The following INPP4A variants were observed in gnomAD, a reference collection of about 807,000 sequenced individuals.
INPP4A encodes inositol polyphosphate-4-phosphatase type I A.
Under a neutral mutation model 119.8 loss-of-function variants are expected in INPP4A, and 33 were observed. The observed-to-expected ratio is 0.28, with a 90% CI of 0.21 to 0.37. The LOEUF (loss-of-function observed/expected upper bound fraction) is 0.37. INPP4A is among the 10% of genes least tolerant of loss of function. The pLI, the probability that INPP4A is intolerant of heterozygous loss-of-function variation, is 1.00. For missense variants in INPP4A, 956 were observed against 1,289.9 expected, an observed-to-expected ratio of 0.74 and a Z score of 3.97; for synonymous variants, 496 against 500.7, an observed-to-expected ratio of 0.99 and a Z score of 0.12.
At chr2:98,555,830 C>T in intron 16 of INPP4A, 22 bp downstream of exon 16, 1 of 1,535,676 alleles carries the variant, frequency 6.5e-7, no homozygotes, top group Non-Finnish European at 8.8e-7. Flanking sequence ...TCCATGCTTC[C>T]CATATGCTGC....
At position 98,588,360 on chromosome 2, in the gene INPP4A, C is replaced by T. The variant is rs73962410; in HGVS notation, c.*752C>T. 1,425 of 199,418 alleles carry T rather than the reference C, an allele frequency of 7.1e-3. 13 individuals are homozygous for T. The highest frequency in any genetic ancestry group is 0.027 in the African/African-American group (1,181 of 43,610). 12.4% of individuals were successfully genotyped at this position (199,418 alleles called of 1,614,324 possible). On this transcript the variant is annotated 3_prime_UTR_variant, in exon 25 of 25. Transcript: ENST00000409851. The stretch of plus-strand genomic sequence containing the variant: ...GTCTCCTGTTCTCTGAAGCTCCCTG[C>T]CGAGGCTCCCTCACGCCCAGAGGAC...
Position 98,592,713 on chromosome 2 carries a change from G to C in INPP4A, c.*5105G>C, listed in dbSNP as rs1700456587. ...GATGGAAACTTGTGTTTAGCAGGCT[G>C]TCTGCTCCCAATAGTGGCCCTGGCT... On this transcript the variant is annotated 3_prime_UTR_variant, in exon 25 of 25. Transcript: ENST00000409851. 1 of 152,358 alleles carries C rather than the reference G, an allele frequency of 6.6e-6. No homozygotes were observed. Among genetic ancestry groups the C allele is most frequent in the Non-Finnish European group, 1.5e-5 (1 of 68,132 alleles). 9.4% of individuals were successfully genotyped at this position (152,358 alleles called of 1,614,324 possible). A position where few individuals can be genotyped will look rare whatever the true frequency, so the allele number is the denominator to read the frequency against.
intron 17 of INPP4A, among the ~76,000 whole-genome samples, chr2:98,562,231 A>G (rs1038064580): frequency 1.8e-4 from 28 of 152,252 alleles, no homozygotes; most frequent in African/African-American, 6.5e-4. Flanking sequence ...GCGTGCCTGC[A>G]TGTACAATTA....
intron 7 of INPP4A, among the ~76,000 whole-genome samples, chr2:98,537,221 G>A (rs899934872): frequency 3.3e-5 from 5 of 152,234 alleles, no homozygotes; most frequent in African/African-American, 1.2e-4. Flanking sequence ...GATTAAGTGA[G>A]ACCTTGTAAA....
intron 16 of INPP4A, among the ~76,000 whole-genome samples, chr2:98,557,781 CCCTGCCAGCCAAAA>C (rs1694754644): frequency 6.6e-6 from 1 of 152,222 alleles, no homozygotes; most frequent in Non-Finnish European, 1.5e-5. Context: ...ACTGACAAGT[CCCTGCCAGCCAAAA>C]CCACAGAGGC....
intron 1 of INPP4A, among the ~76,000 whole-genome samples, chr2:98,486,850 A>G (rs1288157745): frequency 6.6e-6 from 1 of 152,234 alleles, no homozygotes; most frequent in African/African-American, 2.4e-5. Flanking sequence ...TGCCAGTGAC[A>G]GGGGCGGGCA....
chr2:98,571,815 G>T (rs1490785330), intron 22 of INPP4A: 1 of 152,374 alleles, frequency 6.6e-6, no homozygotes, highest in African/African-American at 2.4e-5. Flanking sequence ...TGGGAGGTGA[G>T]ATGGTGCTGT....
At chr2:98,447,763 C>CA (rs772033334) in intron 1 of INPP4A, among the ~76,000 whole-genome samples, 44 of 151,952 alleles carry the variant, frequency 2.9e-4, no homozygotes, top group Non-Finnish European at 4.6e-4. Context: ...GTGTATTTCC[C>CA]AAAAAACAAG....
intron 4 of INPP4A, among the ~76,000 whole-genome samples, chr2:98,530,250 T>G (rs1172444716): frequency 6.7e-6 from 1 of 150,342 alleles, no homozygotes; most frequent in Admixed American, 6.6e-5. Context: ...AGAGAACTGA[T>G]AGGACAATAA....
At chr2:98,539,811 G>A in intron 10 of INPP4A, 136 bp downstream of exon 10, 2 of 802,816 alleles carry the variant, frequency 2.5e-6, no homozygotes, top group South Asian at 4.4e-5. Flanking sequence ...CAGCTCTGTG[G>A]CCTTGGCTTG....
chr2:98,528,534 A>G (rs1357199711), intron 4 of INPP4A, among the ~76,000 whole-genome samples: 1 of 152,258 alleles, frequency 6.6e-6, no homozygotes, highest in Non-Finnish European at 1.5e-5. Flanking sequence ...GATGGAAAAC[A>G]TGAATCTACA....
rs60347668 is a variant in INPP4A at position 98,563,933 on chromosome 2, GT to G, written c.2028+317del. ...TGGGTGGCACAGGCTTCTTTGCTGC[GT>G]TTTTTTTTTTTTTTTTTTTTACTGC... On this transcript the variant is annotated intron_variant, in intron 18 of 24. Transcript: ENST00000409851. 6.7e-3 allele frequency among the ~76,000 whole-genome samples: 835 copies of G among 125,492 alleles called. 6 individuals are homozygous for G. Among genetic ancestry groups the G allele is most frequent in the Middle Eastern group, 0.02 (5 of 246 alleles). 82.3% of individuals were successfully genotyped at this position (125,492 alleles called of 152,430 possible).
intron 1 of INPP4A, among the ~76,000 whole-genome samples, chr2:98,474,393 T>C (rs1676780885): frequency 1.3e-5 from 2 of 152,224 alleles, no homozygotes. Flanking sequence ...TGCTTTTTGC[T>C]CTATTGTGTT....
At chr2:98,540,512 T>C (rs1055845756) in intron 10 of INPP4A, among the ~76,000 whole-genome samples, 1 of 152,196 alleles carries the variant, frequency 6.6e-6, no homozygotes, top group Non-Finnish European at 1.5e-5. Flanking sequence ...TCTCTCTGTT[T>C]TAATTTTGTG....
At chr2:98,568,141 C>T (rs1364811277) in intron 21 of INPP4A, among the ~76,000 whole-genome samples, 2 of 152,206 alleles carry the variant, frequency 1.3e-5, no homozygotes, top group Non-Finnish European at 2.9e-5. Context: ...GGCTGGCAGT[C>T]AGGTGTGTTC....
Position 98,539,557 on chromosome 2 carries a change from C to T in INPP4A, c.700C>T (p.Arg234Trp), listed in dbSNP as rs1437314507. 4 of 1,611,632 alleles carry T rather than the reference C, an allele frequency of 2.5e-6. No homozygotes were observed. The highest frequency in any genetic ancestry group is 3.4e-6 in the Non-Finnish European group (4 of 1,178,640). The change falls in exon 10 of 25, where the codon CGG becomes TGG. Residue 234 changes from arginine (R) to tryptophan (W), a missense_variant. Arg to Trp is a moderately radical substitution (Grantham distance 101, BLOSUM62 -3). Around this residue, in one of 2 missense-constraint regions of INPP4A, gnomAD observed 652 missense variants for 797.9 expected, o/e 0.82. Transcript: ENST00000409851. ...VFGGAICRMYRFPTTDGNHLR... is the reference protein window; with the variant it reads ...VFGGAICRMYWFPTTDGNHLR... ...CGGTGGTGCCATCTGCCGCATGTAC[C>T]GGTTTCCAACCACTGATGGTAACCA...
At chr2:98,525,026 A>C (rs1391106677) in intron 4 of INPP4A, among the ~76,000 whole-genome samples, 2 of 152,116 alleles carry the variant, frequency 1.3e-5, no homozygotes, top group African/African-American at 4.8e-5. Context: ...ACAACACCAA[A>C]ATCAGTGTTA....
At position 98,590,098 on chromosome 2, in the gene INPP4A, T is replaced by C. The variant is rs762410536; in HGVS notation, c.*2490T>C. On this transcript the variant is annotated 3_prime_UTR_variant, in exon 25 of 25. Coordinates refer to ENST00000409851, the MANE Select transcript of INPP4A (RefSeq NM_001134225.2). ...TTCTTAGGTCATTCAAAGCCATGTA[T>C]GCTGTAAATGTGCTAGTCTTTAGAA... The C allele has an allele frequency of 5.2e-6, 1 of 193,754 alleles. No individual in the cohort carries two copies. Among genetic ancestry groups the C allele is most frequent in the Non-Finnish European group, 1.1e-5 (1 of 92,980 alleles). 12.0% of individuals were successfully genotyped at this position (193,754 alleles called of 1,614,324 possible).
intron 4 of INPP4A, among the ~76,000 whole-genome samples, chr2:98,531,301 A>G (rs1288050128): frequency 6.6e-6 from 1 of 152,220 alleles, no homozygotes; most frequent in African/African-American, 2.4e-5. Context: ...GAAAAGAACC[A>G]AATAGATATT....
Sources: allele counts gnomAD v4.1 joint callset (sites outside exome capture counted in the v4.1 genomes callset), GRCh38; gene constraint gnomAD v4.1.1; regional missense constraint gnomAD v4.1.1; transcripts MANE v1.5; gene names NCBI Gene and HGNC (gene_info 2026-07-23, HGNC 2026-07-21).